VTI1A: variants seen among roughly 807,000 people sequenced by gnomAD.
VTI1A encodes vesicle transport through interaction with t-SNAREs homolog 1A.
A neutral mutation model predicts 34.9 loss-of-function variants in VTI1A; 22 were observed. That is an observed-to-expected ratio of 0.63 (90% CI 0.45 to 0.90). The LOEUF is 0.90. Among genes scored for constraint, VTI1A ranks in the 40% least tolerant of loss-of-function variants. The probability of loss-of-function intolerance (pLI) is 0.00; values close to 1 mark genes in which losing one functional copy is unlikely to be tolerated. For synonymous variants in VTI1A, 87 were observed against 97.3 expected, an observed-to-expected ratio of 0.89 and a Z score of 0.62; for missense variants, 268 against 275.6, an observed-to-expected ratio of 0.97 and a Z score of 0.20.
At chr10:112,798,864 T>C (rs1852767868) in intron 7 of VTI1A, among the ~76,000 whole-genome samples, 1 of 152,190 alleles carries the variant, frequency 6.6e-6, no homozygotes, top group Non-Finnish European at 1.5e-5. Flanking sequence ...TCCTGACCTA[T>C]AACACGCTGC....
At chr10:112,695,301 A>G (rs1282641832) in intron 7 of VTI1A, among the ~76,000 whole-genome samples, 2 of 152,194 alleles carry the variant, frequency 1.3e-5, no homozygotes, top group Non-Finnish European at 2.9e-5. Flanking sequence ...CATTAGTAAG[A>G]AACATTGGGT....
chr10:112,605,988 C>G (rs1845061745), intron 5 of VTI1A, among the ~76,000 whole-genome samples: 1 of 151,626 alleles, frequency 6.6e-6, no homozygotes, highest in Admixed American at 6.6e-5. Context: ...CACATGTAGT[C>G]TTTAGGCCAT....
intron 3 of VTI1A, among the ~76,000 whole-genome samples, chr10:112,493,981 T>C (rs960945503): frequency 2.0e-5 from 3 of 152,184 alleles, no homozygotes; most frequent in African/African-American, 7.2e-5. Context: ...TAGAACAAGT[T>C]AGGAAGTGTT....
At chr10:112,546,124 A>G (rs1029752852) in intron 5 of VTI1A, among the ~76,000 whole-genome samples, 4 of 65,208 alleles carry the variant, frequency 6.1e-5, no homozygotes, top group Non-Finnish European at 1.2e-4. Flanking sequence ...GTGTGTGTGT[A>G]TTTTGCATAT....
intron 7 of VTI1A, among the ~76,000 whole-genome samples, chr10:112,800,657 G>A (rs562173911): frequency 9.8e-5 from 15 of 152,318 alleles, no homozygotes; most frequent in Non-Finnish European, 1.9e-4. Context: ...AAAGCAGAGC[G>A]TTGATTCTTT....
At chr10:112,608,322 C>G (rs1845166265) in intron 5 of VTI1A, among the ~76,000 whole-genome samples, 1 of 152,118 alleles carries the variant, frequency 6.6e-6, no homozygotes, top group Admixed American at 6.5e-5. Context: ...CTATTTAAAA[C>G]AGTGTATGCC....
At chr10:112,641,880 A>T (rs1476080435) in intron 5 of VTI1A, among the ~76,000 whole-genome samples, 1 of 152,196 alleles carries the variant, frequency 6.6e-6, no homozygotes, top group African/African-American at 2.4e-5. Context: ...CTTTGAACAC[A>T]AATGGGCCGC....
intron 1 of VTI1A, chr10:112,448,436 T>G (rs1221360719): frequency 1.3e-5 from 2 of 152,262 alleles, no homozygotes; most frequent in Admixed American, 6.5e-5. Context: ...GAGCTGTGTC[T>G]GATTTCCTTG....
At chr10:112,830,849 A>ATATATATTTTTTTTTTTT in the VTI1A span, among the ~76,000 whole-genome samples, 19 of 33,486 alleles carry the variant, frequency 5.7e-4, no homozygotes, top group East Asian at 3.0e-3. Context: ...ATATATATAT[A>ATATATATTTTTTTTTTTT]TTTTTTTTTT....
chr10:112,764,129 G>A (rs551058802), intron 7 of VTI1A, among the ~76,000 whole-genome samples: 1 of 152,102 alleles, frequency 6.6e-6, no homozygotes, highest in Non-Finnish European at 1.5e-5. Flanking sequence ...TGAGGATGGC[G>A]GCCCCCATTC....
At chr10:112,721,330 C>T (rs565457659) in intron 7 of VTI1A, among the ~76,000 whole-genome samples, 21 of 152,278 alleles carry the variant, frequency 1.4e-4, no homozygotes, top group African/African-American at 3.6e-4. Context: ...TATTTAGCAA[C>T]GCTACAATAC....
At chr10:112,485,465 C>T (rs115308970) in intron 3 of VTI1A, among the ~76,000 whole-genome samples, 1,564 of 152,164 alleles carry the variant, frequency 0.01, 24 homozygotes, top group African/African-American at 0.035. Flanking sequence ...ACATTTTCCC[C>T]GTAGTCCTTA....
the VTI1A span, chr10:112,824,278 GA>G: frequency 6.6e-6 from 1 of 152,302 alleles, no homozygotes; most frequent in African/African-American, 2.4e-5. Context: ...AACATGTACA[GA>G]AAAACTCAGT....
chr10:112,758,224 A>G (rs1851352689), intron 7 of VTI1A, among the ~76,000 whole-genome samples: 1 of 152,074 alleles, frequency 6.6e-6, no homozygotes, highest in South Asian at 2.1e-4. Context: ...AGGGTAGTAG[A>G]GTCTTTTAGA....
intron 3 of VTI1A, among the ~76,000 whole-genome samples, chr10:112,478,959 G>A (rs914664574): frequency 3.3e-5 from 5 of 152,148 alleles, no homozygotes; most frequent in African/African-American, 1.2e-4. Context: ...ACAAGGTCAA[G>A]AGATCGAGAC....
intron 5 of VTI1A, among the ~76,000 whole-genome samples, chr10:112,564,116 AGTT>A (rs1467880157): frequency 4.6e-5 from 7 of 151,328 alleles, no homozygotes; most frequent in Non-Finnish European, 8.8e-5. Context: ...CCCTGAAAAT[AGTT>A]TTTTTTTTTT....
At chr10:112,540,468 G>A (rs1850824381) in intron 5 of VTI1A, among the ~76,000 whole-genome samples, 2 of 152,214 alleles carry the variant, frequency 1.3e-5, no homozygotes, top group African/African-American at 4.8e-5. Flanking sequence ...AGTCTGGGAG[G>A]ATGGATAAGA....
At chr10:112,576,019 C>CTTTTTTTTTTT (rs760363890) in intron 5 of VTI1A, among the ~76,000 whole-genome samples, 7 of 131,280 alleles carry the variant, frequency 5.3e-5, no homozygotes, top group Admixed American at 7.8e-5. Flanking sequence ...CTTTTCTTTT[C>CTTTTTTTTTTT]TTTTTTTTTT....
chr10:112,551,440 T>A (rs1851358473), intron 5 of VTI1A, among the ~76,000 whole-genome samples: 1 of 152,106 alleles, frequency 6.6e-6, no homozygotes, highest in Non-Finnish European at 1.5e-5. Flanking sequence ...TCTATTGATC[T>A]CTGCTATAGC....
Sources: allele counts gnomAD v4.1 joint callset (sites outside exome capture counted in the v4.1 genomes callset), GRCh38; gene constraint gnomAD v4.1.1; transcripts MANE v1.5; gene names NCBI Gene and HGNC (gene_info 2026-07-23, HGNC 2026-07-21).